The following PNOC variants were observed in gnomAD, a reference collection of about 807,000 sequenced individuals.
The protein encoded by PNOC is prepronociceptin.
A neutral mutation model predicts 15.6 loss-of-function variants in PNOC; 10 were observed. The ratio of observed to expected loss-of-function variants is 0.64; its 90% CI spans 0.40 to 1.09. The LOEUF (loss-of-function observed/expected upper bound fraction) is 1.09, where lower values mean the gene tolerates loss of function less well. Among genes scored for constraint, PNOC ranks in the 50% least tolerant of loss-of-function variants. PNOC has a pLI of 0.01. For synonymous variants in PNOC, 98 were observed against 88.5 expected (o/e 1.11, Z -0.60); for missense variants, 220 against 223.9 (o/e 0.98, Z 0.11).
chr8:28,337,615 T>C (rs1801433601), intron 2 of PNOC, among the ~76,000 whole-genome samples: 2 of 139,310 alleles, frequency 1.4e-5, no homozygotes, highest in East Asian at 2.2e-4. Flanking sequence ...CGGAGTCTCG[T>C]TCTGTCGCCC....
chr8:28,336,537 C>T (rs1021834637), intron 2 of PNOC, among the ~76,000 whole-genome samples: 3 of 152,116 alleles, frequency 2.0e-5, no homozygotes, highest in African/African-American at 7.2e-5. Context: ...CTAGGAACAG[C>T]CTCATAGGCC....
chr8:28,320,873 A>G (rs1801140735), intron 1 of PNOC, among the ~76,000 whole-genome samples: 1 of 151,744 alleles, frequency 6.6e-6, no homozygotes, highest in African/African-American at 2.4e-5. Flanking sequence ...AAAAAAGAAG[A>G]AGAAGTTTGA....
At chr8:28,328,419 A>T (rs2129866997) in intron 1 of PNOC, among the ~76,000 whole-genome samples, 1 of 151,976 alleles carries the variant, frequency 6.6e-6, no homozygotes, top group East Asian at 1.9e-4. Context: ...GGAGGTTAGG[A>T]TTTCAACATA....
intron 2 of PNOC, 53 bp from the exon 3 acceptor site, chr8:28,338,987 G>GATT (rs1801461926): frequency 6.8e-7 from 1 of 1,475,872 alleles, no homozygotes; most frequent in South Asian, 1.3e-5. Context: ...CCTCGCCCTG[G>GATT]ATTAACAGAG....
chr8:28,324,396 C>T (rs757768142), intron 1 of PNOC, among the ~76,000 whole-genome samples: 14 of 152,232 alleles, frequency 9.2e-5, no homozygotes, highest in Non-Finnish European at 1.3e-4. Flanking sequence ...AGCCTATGCA[C>T]ACATTCTGTA....
chr8:28,328,841 G>A (rs1480291504), intron 1 of PNOC, among the ~76,000 whole-genome samples: 1 of 152,140 alleles, frequency 6.6e-6, no homozygotes, highest in African/African-American at 2.4e-5. Flanking sequence ...TGCCTATGAG[G>A]TGTCGAGGCC....
At chr8:28,326,135 T>G (rs569533523) in intron 1 of PNOC, among the ~76,000 whole-genome samples, 2 of 152,050 alleles carry the variant, frequency 1.3e-5, no homozygotes, top group Non-Finnish European at 2.9e-5. Context: ...GAGGAACATT[T>G]GAGGCCAGGA....
chr8:28,343,154 T>A lies in PNOC; in HGVS notation c.*260T>A. 4.8e-6 allele frequency: 1 copy of A among 206,526 alleles called. No individual in the cohort carries two copies. The highest frequency in any genetic ancestry group is 8.5e-6 in the Non-Finnish European group (1 of 117,264). 12.8% of individuals were successfully genotyped at this position (206,526 alleles called of 1,614,324 possible). ...TCAGAGTGTATTTTTGTAATTCCTC[T>A]AGCTACCATTTCAATAGCCCCATCT... is the stretch of plus-strand genomic sequence containing the variant. On this transcript the variant is annotated 3_prime_UTR_variant, in exon 4 of 4. Coordinates refer to ENST00000301908, the MANE Select transcript of PNOC (RefSeq NM_006228.5).
chr8:28,336,460 G>T (rs1423168998), intron 2 of PNOC, among the ~76,000 whole-genome samples: 2 of 152,154 alleles, frequency 1.3e-5, no homozygotes, highest in African/African-American at 4.8e-5. Context: ...GATGCAAGGA[G>T]GTCATTGCAT....
intron 1 of PNOC, among the ~76,000 whole-genome samples, chr8:28,326,026 T>G (rs1159992392): frequency 6.6e-6 from 1 of 152,106 alleles, no homozygotes; most frequent in Non-Finnish European, 1.5e-5. Flanking sequence ...GTAGGCACTG[T>G]GTTCATTATT....
chr8:28,337,614 G>A (rs1476095780), intron 2 of PNOC, among the ~76,000 whole-genome samples: 1 of 121,074 alleles, frequency 8.3e-6, no homozygotes, highest in Non-Finnish European at 1.6e-5. Flanking sequence ...ACGGAGTCTC[G>A]TTCTGTCGCC....
At chr8:28,326,936 C>A (rs938421842) in intron 1 of PNOC, among the ~76,000 whole-genome samples, 1 of 152,198 alleles carries the variant, frequency 6.6e-6, no homozygotes, top group South Asian at 2.1e-4. Context: ...GTCTGCATTT[C>A]TAACAAGATT....
intron 2 of PNOC, among the ~76,000 whole-genome samples, chr8:28,337,486 G>A (rs1801430386): frequency 6.6e-6 from 1 of 151,874 alleles, no homozygotes; most frequent in South Asian, 2.1e-4. Context: ...TTTTAGCAGA[G>A]ATGGGTTTTT....
At position 28,339,156 on chromosome 8, in the gene PNOC, G is replaced by C; in HGVS notation, c.243G>C (p.Ala81=). The part of the protein sequence containing the change: ...QLSPAAPEHV[A]AALYQPRASE... Reference sequence around the variant, plus strand: ...GCCCTGCCGCCCCAGAGCATGTGGCGGCTGCTCTCTACCAGCCGAGAGCTT... The same window carrying C: ...GCCCTGCCGCCCCAGAGCATGTGGCCGCTGCTCTCTACCAGCCGAGAGCTT... Residue 81 remains alanine (A), a synonymous_variant, in exon 3 of 4, where the codon GCG becomes GCC. Coordinates refer to ENST00000301908, the MANE Select transcript of PNOC (RefSeq NM_006228.5). 3 of 1,613,558 alleles carry C rather than the reference G, an allele frequency of 1.9e-6. No homozygotes were observed. The highest frequency in any genetic ancestry group is 2.5e-6 in the Non-Finnish European group (3 of 1,179,502).
chr8:28,338,732 TG>T, intron 2 of PNOC: 2 of 1,082,914 alleles, frequency 1.8e-6, no homozygotes, highest in Non-Finnish European at 2.2e-6. Flanking sequence ...CAAGGTGCGG[TG>T]TTGGGCGCAT....
intron 3 of PNOC, 41 bp downstream of exon 3, chr8:28,339,532 C>A: frequency 7.0e-7 from 1 of 1,421,370 alleles, no homozygotes; most frequent in Non-Finnish European, 9.3e-7. Flanking sequence ...GGAGAGACCT[C>A]ACACACCAAC....
chr8:28,338,332 G>C (rs1040055584), intron 2 of PNOC, among the ~76,000 whole-genome samples: 2 of 152,138 alleles, frequency 1.3e-5, no homozygotes, highest in Admixed American at 6.5e-5. Context: ...GTTGGCAGGA[G>C]AGGCAGAGCA....
intron 1 of PNOC, among the ~76,000 whole-genome samples, chr8:28,325,801 T>C (rs556236403): frequency 6.6e-6 from 1 of 151,920 alleles, no homozygotes; most frequent in East Asian, 1.9e-4. Flanking sequence ...GCTAAGTCCT[T>C]GGAGCTCCCC....
At chr8:28,338,739 C>G (rs1801457146) in intron 2 of PNOC, 1 of 1,097,256 alleles carries the variant, frequency 9.1e-7, no homozygotes. Context: ...CGGTGTTGGG[C>G]GCATTTATCC....
Sources: gnomAD v4.1 joint callset for allele counts (sites outside exome capture counted in the v4.1 genomes callset) on GRCh38, gnomAD v4.1.1 for gene constraint, MANE v1.5 for transcripts, NCBI Gene and HGNC (gene_info 2026-07-23, HGNC 2026-07-21) for gene names.